Variants in CHMP5 observed in about 807,000 individuals in gnomAD.
CHMP5 encodes SNF7 domain containing 2.
A neutral mutation model predicts 33.0 loss-of-function variants in CHMP5; 17 were observed. The ratio of observed to expected loss-of-function variants is 0.52; its 90% CI spans 0.35 to 0.77. The LOEUF (loss-of-function observed/expected upper bound fraction) is 0.77. CHMP5 is among the 30% of genes least tolerant of loss of function. The probability of loss-of-function intolerance (pLI) is 0.01; values close to 1 mark genes in which losing one functional copy is unlikely to be tolerated. For missense variants in CHMP5, 216 were observed against 261.5 expected, an observed-to-expected ratio of 0.83 and a Z score of 1.20; for synonymous variants, 76 against 90.2, an observed-to-expected ratio of 0.84 and a Z score of 0.89.
chr9:33,279,887 A>C (rs989416406), intron 7 of CHMP5, among the ~76,000 whole-genome samples: 2 of 150,926 alleles, frequency 1.3e-5, no homozygotes, highest in African/African-American at 2.4e-5. Context: ...AAAAAAAAAA[A>C]GTCCCTGAAG....
intron 2 of CHMP5, 62 bp from the exon 3 acceptor site, chr9:33,267,791 A>G: frequency 2.7e-6 from 3 of 1,116,490 alleles, no homozygotes; most frequent in Non-Finnish European, 4.1e-6. Context: ...GGCTATGGGA[A>G]ATTTCTTTTA....
intron 5 of CHMP5, among the ~76,000 whole-genome samples, 187 bp from the exon 6 acceptor site, chr9:33,276,269 C>T (rs1820853083): frequency 6.6e-6 from 1 of 152,174 alleles, no homozygotes; most frequent in African/African-American, 2.4e-5. Flanking sequence ...TAAAAAATTG[C>T]TAGCCAAAGA....
intron 3 of CHMP5, among the ~76,000 whole-genome samples, chr9:33,269,928 C>T (rs1383738168): frequency 1.3e-5 from 2 of 151,586 alleles, no homozygotes; most frequent in East Asian, 1.9e-4. Context: ...GAGCCGAGAT[C>T]GTACCATTGC....
intron 6 of CHMP5, chr9:33,277,898 C>T: frequency 2.3e-6 from 1 of 436,136 alleles, no homozygotes. Context: ...CCTGATAAGT[C>T]TCTACCTGCT....
At chr9:33,277,028 T>G (rs1820863393) in intron 6 of CHMP5, among the ~76,000 whole-genome samples, 1 of 151,584 alleles carries the variant, frequency 6.6e-6, no homozygotes. Context: ...TCACCCCGTC[T>G]CTATAAAAAA....
intron 5 of CHMP5, among the ~76,000 whole-genome samples, chr9:33,275,124 T>C (rs1338014921): frequency 6.6e-6 from 1 of 152,196 alleles, no homozygotes; most frequent in Non-Finnish European, 1.5e-5. Flanking sequence ...CAAATGCAGT[T>C]TGAACTGCAC....
At chr9:33,265,350 A>G (rs746027630) in intron 1 of CHMP5, among the ~76,000 whole-genome samples, 7 of 151,720 alleles carry the variant, frequency 4.6e-5, no homozygotes, top group Non-Finnish European at 7.4e-5. Context: ...CCCTAACCCC[A>G]TCACTGCCTT....
rs773742450 is a variant in CHMP5, at chr9:33,265,115, C to T, written c.37C>T (p.Pro13Ser). Residue 13 changes from proline to serine, a missense_variant, in exon 1 of 8, where the codon CCG becomes TCG. Coordinates refer to ENST00000223500, the MANE Select transcript of CHMP5 (RefSeq NM_016410.6). ...RLFGKAKPKA[P>S]PPSLTDCIGT... ...CTTCGGGAAAGCGAAACCCAAGGCT[C>T]CGCCGCCCAGCCTGACTGACTGCAT... 1.4e-5 allele frequency: 23 copies of T among 1,614,056 alleles called. No homozygotes were observed. The highest frequency in any genetic ancestry group is 1.3e-4 in the East Asian group (6 of 44,892).
chr9:33,265,381 G>A (rs1014847474), intron 1 of CHMP5, among the ~76,000 whole-genome samples: 2 of 151,884 alleles, frequency 1.3e-5, no homozygotes, highest in African/African-American at 2.4e-5. Context: ...CACCCAACCC[G>A]TTTTGATGCC....
At chr9:33,279,645 C>T (rs1458798967) in intron 7 of CHMP5, among the ~76,000 whole-genome samples, 5 of 151,956 alleles carry the variant, frequency 3.3e-5, no homozygotes, top group South Asian at 2.1e-4. Context: ...AGGCGGATCA[C>T]GAGGTCAAGA....
At chr9:33,273,035 T>G (rs546222849) in intron 5 of CHMP5, among the ~76,000 whole-genome samples, 63 of 151,964 alleles carry the variant, frequency 4.1e-4, no homozygotes, top group Admixed American at 3.0e-3. Context: ...TGCAGTGTGA[T>G]CTCGGCTCAC....
intron 6 of CHMP5, chr9:33,277,772 C>T: frequency 5.5e-6 from 1 of 182,176 alleles, no homozygotes; most frequent in Admixed American, 5.5e-5. Flanking sequence ...TGTGTGATTC[C>T]CCTGTTACAT....
intron 4 of CHMP5, 49 bp from the exon 5 acceptor site, chr9:33,271,103 A>G: frequency 7.4e-7 from 1 of 1,349,994 alleles, no homozygotes; most frequent in East Asian, 2.3e-5. Context: ...AAGACAATTT[A>G]ACCAACATGA....
chr9:33,265,066 G>T lies in CHMP5; in HGVS notation c.-13G>T. ...TTTGCTCTAGTGTTTGGGTTTCTTC[G>T]CGGCTGCTCAAGATGAACCGACTCT... is the stretch of plus-strand genomic sequence containing the variant. On this transcript the variant is annotated 5_prime_UTR_variant, in exon 1 of 8. Transcript: ENST00000223500. 6.2e-7 allele frequency: 1 copy of T among 1,614,168 alleles called. No individual in the cohort carries two copies. The highest frequency in any genetic ancestry group is 8.5e-7 in the Non-Finnish European group (1 of 1,180,010).
chr9:33,266,312 A>C (rs372017777), intron 2 of CHMP5, among the ~76,000 whole-genome samples, 198 bp downstream of exon 2: 1 of 152,162 alleles, frequency 6.6e-6, no homozygotes, highest in African/African-American at 2.4e-5. Context: ...CTCTACTGAA[A>C]ATACAAAAAC....
intron 5 of CHMP5, among the ~76,000 whole-genome samples, chr9:33,272,621 G>A (rs978229418): frequency 1.3e-5 from 2 of 152,020 alleles, no homozygotes; most frequent in African/African-American, 4.8e-5. Flanking sequence ...TGGCTAACAC[G>A]GTGAAACCCT....
At chr9:33,268,095 G>T (rs1457503286) in intron 3 of CHMP5, among the ~76,000 whole-genome samples, 196 bp downstream of exon 3, 1 of 152,222 alleles carries the variant, frequency 6.6e-6, no homozygotes, top group Non-Finnish European at 1.5e-5. Flanking sequence ...TTTTTGCCAT[G>T]ATGGAGATGC....
chr9:33,265,932 A>G (rs1444301172), intron 1 of CHMP5, 78 bp from the exon 2 acceptor site: 276 of 884,610 alleles, frequency 3.1e-4, no homozygotes, highest in Non-Finnish European at 4.9e-5. Flanking sequence ...CTTCCTCTGT[A>G]TTCCTTCCTC....
chr9:33,280,551 C>T (rs1035324138), intron 7 of CHMP5, among the ~76,000 whole-genome samples: 8 of 152,194 alleles, frequency 5.3e-5, no homozygotes, highest in African/African-American at 1.7e-4. Flanking sequence ...CAGGTTTACT[C>T]TTAGATTTCT....
Sources: allele counts gnomAD v4.1 joint callset (sites outside exome capture counted in the v4.1 genomes callset), GRCh38; gene constraint gnomAD v4.1.1; transcripts MANE v1.5; gene names NCBI Gene and HGNC (gene_info 2026-07-23, HGNC 2026-07-21).